The following CNGB1 variants were observed in gnomAD, a reference collection of about 807,000 sequenced individuals.
The protein encoded by CNGB1 is cyclic nucleotide gated channel subunit beta 1, also known as cyclic nucleotide-gated channel beta-1.
CNGB1 carries 126 observed loss-of-function variants against 151.7 expected under a neutral mutation model. The observed-to-expected ratio is 0.83, with a 90% confidence interval of 0.72 to 0.96. CNGB1 has a LOEUF of 0.96. CNGB1 is among the 40% of genes least tolerant of loss of function. The probability of loss-of-function intolerance (pLI) is 0.00; values close to 1 mark genes in which losing one functional copy is unlikely to be tolerated. For synonymous variants in CNGB1, 623 were observed against 635.1 expected (o/e 0.98, Z 0.29); for missense variants, 1,698 against 1,627.0 (o/e 1.04, Z -0.75).
intron 30 of CNGB1, 45 bp downstream of exon 30, chr16:57,897,751 C>T (rs1404764477): frequency 1.2e-6 from 2 of 1,600,192 alleles, no homozygotes; most frequent in Middle Eastern, 1.7e-4. Context: ...CCTTCTTTCC[C>T]AGCCCTTGCC....
intron 25 of CNGB1, among the ~76,000 whole-genome samples, chr16:57,905,652 G>A (rs762011868): frequency 3.3e-4 from 51 of 152,382 alleles, no homozygotes; most frequent in Middle Eastern, 3.4e-3. Context: ...TTCGGGCGCC[G>A]TTTAGGCTGC....
intron 16 of CNGB1, among the ~76,000 whole-genome samples, chr16:57,932,805 C>T (rs1961393776): frequency 6.6e-6 from 1 of 152,242 alleles, no homozygotes. Flanking sequence ...TGGTCTCGAT[C>T]TCCTGACCTC....
At chr16:57,928,904 G>T (rs1961265930) in intron 17 of CNGB1, among the ~76,000 whole-genome samples, 1 of 152,136 alleles carries the variant, frequency 6.6e-6, no homozygotes, top group Admixed American at 6.6e-5. Flanking sequence ...CTCCCAAAGT[G>T]CTGGGATTAC....
In CNGB1 at chr16:57,964,191, C is replaced by T. The variant is rs1391967561; in HGVS notation, c.229G>A (p.Ala77Thr). ...ADPSPQETKE[A>T]ALTSTISLRA... is the part of the protein sequence containing the mutation. ...AGGGATATGGTGGAAGTAAGGGCAG[C>T]CTCCTTGGTCTCTGGAAAAGAATCT... Residue 77 changes from alanine (A) to threonine (T), a missense_variant, in exon 4 of 33, where the codon GCT (alanine) becomes ACT (threonine). Coordinates refer to ENST00000251102, the MANE Select transcript of CNGB1 (RefSeq NM_001297.5). 6.2e-7 allele frequency: 1 copy of T among 1,614,148 alleles called. No individual in the cohort carries two copies. Among genetic ancestry groups the T allele is most frequent in the Non-Finnish European group, 8.5e-7 (1 of 1,180,010 alleles).
chr16:57,908,063 A>AT (rs1280545384), intron 25 of CNGB1, among the ~76,000 whole-genome samples: 2 of 151,740 alleles, frequency 1.3e-5, no homozygotes, highest in African/African-American at 2.4e-5. Flanking sequence ...TAAGTTTTGT[A>AT]TTTTTTTTGT....
At chr16:57,923,810 C>A (rs1961113107) in intron 17 of CNGB1, among the ~76,000 whole-genome samples, 1 of 152,178 alleles carries the variant, frequency 6.6e-6, no homozygotes, top group South Asian at 2.1e-4. Context: ...TCTAAAGTCA[C>A]CCACCTCATT....
At chr16:57,921,849 G>A (rs979318237) in intron 18 of CNGB1, among the ~76,000 whole-genome samples, 37 of 152,292 alleles carry the variant, frequency 2.4e-4, no homozygotes, top group African/African-American at 8.2e-4. Flanking sequence ...CCTGATGCAT[G>A]CAACTATTGA....
At chr16:57,908,045 T>C (rs1047398135) in intron 25 of CNGB1, among the ~76,000 whole-genome samples, 9 of 152,202 alleles carry the variant, frequency 5.9e-5, no homozygotes, top group African/African-American at 2.2e-4. Flanking sequence ...TGTACCACCA[T>C]GCCCAACTAA....
intron 12 of CNGB1, among the ~76,000 whole-genome samples, chr16:57,952,273 G>A (rs567150590): frequency 2.0e-5 from 3 of 152,284 alleles, no homozygotes; most frequent in Admixed American, 6.5e-5. Flanking sequence ...ACAGGAAGGT[G>A]GAGGCAGAGC....
At position 57,884,398 on chromosome 16, in the gene CNGB1, C is replaced by G; in HGVS notation, c.3522G>C (p.Thr1174=). 1.9e-6 allele frequency: 3 copies of G among 1,613,172 alleles called. No individual in the cohort carries two copies. In the South Asian group the frequency reaches 3.3e-5, roughly 18 times the overall value. ...EEGSAAPDQH[T]HPKEAATDPP... Reference sequence around the variant, plus strand: ...GGTCGGTGGCGGCCTCCTTTGGGTGCGTGTGCTGGTCTGGGGCGGCGGAGC... The same window carrying G: ...GGTCGGTGGCGGCCTCCTTTGGGTGGGTGTGCTGGTCTGGGGCGGCGGAGC... The change falls in exon 33 of 33, where the codon ACG becomes ACC. Residue 1174 remains threonine (T), a synonymous_variant. Transcript: ENST00000251102.
Position 57,916,135 on chromosome 16 carries a change from G to A in CNGB1, c.2211C>T (p.Arg737=). The part of the protein sequence containing the change: ...DMRNNYLKSR[R]FKMDLLSLLP... ...TTGCATGCCCGGCACACACCTTGAA[G>A]CGGCGAGACTTCAGGTAGTTATTTC... The change falls in exon 22 of 33, where the codon CGC becomes CGT. Residue 737 remains arginine (R), a synonymous_variant. Transcript: ENST00000251102. The A allele has an allele frequency of 6.2e-7, 1 of 1,614,066 alleles. No homozygotes were observed. The highest frequency in any genetic ancestry group is 8.5e-7 in the Non-Finnish European group (1 of 1,179,952).
chr16:57,939,540 GCCTTCTCTTCAGCCT>G lies in CNGB1; in HGVS notation c.1247_1261del (p.Glu416_Lys420del). The G allele has an allele frequency of 6.2e-7, 1 of 1,613,990 alleles. No individual in the cohort carries two copies. The highest frequency in any genetic ancestry group is 8.5e-7 in the Non-Finnish European group (1 of 1,179,958). Reference sequence around the variant, plus strand: ...AGCCACCTCCTCGGCCTCCTCCTTGGCCTTCTCTTCAGCCTCCTTCTTGGCCTCCTCCCCAACTTC... The same window carrying G: ...AGCCACCTCCTCGGCCTCCTCCTTGGCCTTCTTGGCCTCCTCCCCAACTTC... On this transcript the variant is annotated inframe_deletion, in exon 16 of 33. Transcript: ENST00000251102.
At chr16:57,924,235 T>C (rs1418758772) in intron 17 of CNGB1, among the ~76,000 whole-genome samples, 2 of 152,060 alleles carry the variant, frequency 1.3e-5, no homozygotes, top group Admixed American at 6.6e-5. Context: ...GCAGAGAGAA[T>C]GAATTGGTTT....
chr16:57,921,281 G>C (rs1398591447), intron 18 of CNGB1, among the ~76,000 whole-genome samples: 1 of 145,582 alleles, frequency 6.9e-6, no homozygotes, highest in Non-Finnish European at 1.5e-5. Flanking sequence ...GAGTGGCAGT[G>C]GTATGACCTC....
intron 6 of CNGB1, 67 bp from the exon 7 acceptor site, chr16:57,962,677 C>T (rs1438326022): frequency 6.3e-7 from 1 of 1,576,548 alleles, no homozygotes; most frequent in Non-Finnish European, 8.7e-7. Context: ...CCTGGGCAGC[C>T]TGGAGTGGGC....
At chr16:57,942,320 T>A (rs1567388615) in intron 14 of CNGB1, among the ~76,000 whole-genome samples, 1 of 150,798 alleles carries the variant, frequency 6.6e-6, no homozygotes, top group African/African-American at 2.4e-5. Flanking sequence ...ATCTTATATA[T>A]AAAAAAAAAC....
At chr16:57,954,280 C>T (rs1962031226) in intron 12 of CNGB1, among the ~76,000 whole-genome samples, 1 of 152,184 alleles carries the variant, frequency 6.6e-6, no homozygotes, top group Admixed American at 6.5e-5. Context: ...AATCCAAAGG[C>T]CTGCCCAGCC....
intron 12 of CNGB1, among the ~76,000 whole-genome samples, chr16:57,951,345 T>G (rs1376800775): frequency 1.3e-5 from 2 of 152,102 alleles, no homozygotes; most frequent in Admixed American, 1.3e-4. Flanking sequence ...AAACATGAAT[T>G]AGTAATAGTG....
At chr16:57,922,176 T>C (rs1423665320) in intron 18 of CNGB1, among the ~76,000 whole-genome samples, 3 of 152,084 alleles carry the variant, frequency 2.0e-5, no homozygotes, top group African/African-American at 7.2e-5. Flanking sequence ...TGCATAAAAT[T>C]GTGGATAGAA....
Sources: allele counts gnomAD v4.1 joint callset (sites outside exome capture counted in the v4.1 genomes callset), GRCh38; gene constraint gnomAD v4.1.1; transcripts MANE v1.5; gene names NCBI Gene and HGNC (gene_info 2026-07-23, HGNC 2026-07-21).